The following PGD variants were observed in gnomAD, a reference collection of about 807,000 sequenced individuals.
PGD encodes phosphogluconate dehydrogenase, also known as 6-phosphogluconate dehydrogenase, decarboxylating.
PGD carries 21 observed loss-of-function variants against 60.4 expected under a neutral mutation model. The observed-to-expected ratio is 0.35, with a 90% confidence interval of 0.25 to 0.50. The LOEUF (loss-of-function observed/expected upper bound fraction) is 0.50, where lower values mean the gene tolerates loss of function less well. Ranked by LOEUF, PGD falls within the 20% of genes least tolerant of loss-of-function variation. The pLI, the probability that PGD is intolerant of heterozygous loss-of-function variation, is 0.98. For synonymous variants in PGD, 230 were observed against 235.9 expected (o/e 0.97, Z 0.23); for missense variants, 477 against 613.1 (o/e 0.78, Z 2.34).
rs1639677887 is a variant in PGD, at chr1:10,420,481, T to A, written c.*732T>A. On this transcript the variant is annotated 3_prime_UTR_variant, in exon 13 of 13. Transcript: ENST00000270776. ...ATGTCAAATACTTCATACTAAACTT[T>A]CTAGAGAATTAAACTTTAATGATGG... is the stretch of plus-strand genomic sequence containing the variant. Among the ~76,000 whole-genome samples the A allele has an allele frequency of 2.0e-5, 3 of 150,938 alleles. No homozygotes were observed. The highest frequency in any genetic ancestry group is 7.3e-5 in the African/African-American group (3 of 41,136).
intron 5 of PGD, among the ~76,000 whole-genome samples, chr1:10,407,194 T>C (rs1639423236): frequency 6.6e-6 from 1 of 152,184 alleles, no homozygotes; most frequent in South Asian, 2.1e-4. Flanking sequence ...ACGCCTATGG[T>C]CCCAGCACTT....
chr1:10,419,309 G>A lies in PGD; in HGVS notation c.1210-108G>A, dbSNP rs12064058. 381 of 1,470,752 alleles carry A rather than the reference G, an allele frequency of 2.6e-4. 1 individual carries two copies. The African/African-American group carries it at 4.4e-3, about 17-fold the overall frequency. The allele number at this position is 1,470,752 out of a possible 1,614,324, so 91.1% of individuals were successfully genotyped here. ...TGGGATGACAGGCGTGAGCCACCGCGCCTGGCCTAACCATCAGTTTTTCAT... is the reference window on the plus strand; with the variant it reads ...TGGGATGACAGGCGTGAGCCACCGCACCTGGCCTAACCATCAGTTTTTCAT... On this transcript the variant is annotated intron_variant, in intron 11 of 12. Transcript: ENST00000270776.
At chr1:10,418,596 G>C (rs1639636251) in intron 10 of PGD, among the ~76,000 whole-genome samples, 1 of 152,028 alleles carries the variant, frequency 6.6e-6, no homozygotes, top group Non-Finnish European at 1.5e-5. Context: ...CTAACACGGT[G>C]AAACCCTGTC....
chr1:10,401,082 G>A (rs1639307945), intron 3 of PGD, among the ~76,000 whole-genome samples: 1 of 152,262 alleles, frequency 6.6e-6, no homozygotes, highest in East Asian at 1.9e-4. Context: ...GCTCATGCCT[G>A]TAATCCCAGT....
chr1:10,417,318 A>G (rs545716904), intron 9 of PGD, 58 bp from the exon 10 acceptor site: 42 of 1,540,428 alleles, frequency 2.7e-5, no homozygotes, highest in Non-Finnish European at 3.7e-5. Flanking sequence ...AGACTGGTAG[A>G]CATAAGGCGG....
At chr1:10,402,149 ATCAT>A (rs779199615) in intron 3 of PGD, among the ~76,000 whole-genome samples, 2 of 152,204 alleles carry the variant, frequency 1.3e-5, no homozygotes, top group Non-Finnish European at 1.5e-5. Flanking sequence ...TTGTCATAAA[ATCAT>A]TCATTCATAC....
chr1:10,403,595 A>C (rs959990402), intron 4 of PGD, among the ~76,000 whole-genome samples: 2 of 150,868 alleles, frequency 1.3e-5, no homozygotes, highest in African/African-American at 2.4e-5. Flanking sequence ...CATCTGAAAA[A>C]AAAAAAAAAA....
At position 10,400,587 on chromosome 1, in the gene PGD, G is replaced by A; in HGVS notation, c.264+15G>A. ...TCGAGAAATTGGTGAGGCCAGCTGT[G>A]CTCTCAGCTGCTACCACGATAGCAG... On this transcript the variant is annotated intron_variant, in intron 3 of 12. Transcript: ENST00000270776. 1 of 1,591,678 alleles carries A rather than the reference G, an allele frequency of 6.3e-7. No homozygotes were observed. The highest frequency in any genetic ancestry group is 8.6e-7 in the Non-Finnish European group (1 of 1,167,754).
chr1:10,403,590 G>GAAAAAAAAAAA (rs71583866), intron 4 of PGD, among the ~76,000 whole-genome samples: 3 of 67,144 alleles, frequency 4.5e-5, no homozygotes, highest in African/African-American at 1.8e-4. Flanking sequence ...AACTCCATCT[G>GAAAAAAAAAAA]AAAAAAAAAA....
Position 10,416,995 on chromosome 1 carries a change from G to C in PGD, c.853G>C (p.Val285Leu). Residue 285 changes from valine (V) to leucine (L), a missense_variant, in exon 9 of 13, where the codon GTC becomes CTC. Physicochemically the swap from Val to Leu is conservative, Grantham distance 32. Around this residue, in one of 3 missense-constraint regions of PGD, gnomAD observed 431 missense variants for 556.6 expected, o/e 0.77. Coordinates refer to ENST00000270776, the MANE Select transcript of PGD (RefSeq NM_002631.4). The part of the protein sequence containing the change: ...GVPVTLIGEA[V>L]FARCLSSLKD... ...CCGATCTCCCCATGTAGGAGAAGCT[G>C]TCTTTGCTCGGTGCTTATCATCTCT... 6.2e-7 allele frequency: 1 copy of C among 1,613,540 alleles called. No individual in the cohort carries two copies. The highest frequency in any genetic ancestry group is 8.5e-7 in the Non-Finnish European group (1 of 1,179,568).
chr1:10,418,955 A>T lies in PGD; in HGVS notation c.1209+30A>T, dbSNP rs749698442. Reference sequence around the variant, plus strand: ...GTAGCCTAGGGCTGGTGCCATGGTTACTCTACCTCCCTGGGGCCATCAGTT... The same window carrying T: ...GTAGCCTAGGGCTGGTGCCATGGTTTCTCTACCTCCCTGGGGCCATCAGTT... On this transcript the variant is annotated intron_variant, in intron 11 of 12. Transcript: ENST00000270776. 5 of 1,207,304 alleles carry T rather than the reference A, an allele frequency of 4.1e-6. No individual in the cohort carries two copies. In the Admixed American group the frequency reaches 8.9e-5, roughly 21 times the overall value. 74.8% of individuals were successfully genotyped at this position (1,207,304 alleles called of 1,614,324 possible).
intron 2 of PGD, 71 bp downstream of exon 2, chr1:10,399,775 G>T: frequency 1.6e-6 from 2 of 1,255,556 alleles, no homozygotes; most frequent in Non-Finnish European, 2.3e-6. Context: ...GATAGGTTTG[G>T]GAGCTTACGG....
Position 10,399,743 on chromosome 1 carries a change from G to T in PGD, c.84+39G>T, listed in dbSNP as rs546773667. ...GCGCGTTGTCTTCTCTCTGGTTCCC[G>T]GGCGCTTTAGCCGAGGCCGGCGATA... On this transcript the variant is annotated intron_variant, in intron 2 of 12. Transcript: ENST00000270776. 8 of 1,588,122 alleles carry T rather than the reference G, an allele frequency of 5.0e-6. No homozygotes were observed. In the South Asian group the frequency reaches 7.7e-5, roughly 15 times the overall value.
chr1:10,403,946 A>G (rs1569972016), intron 4 of PGD, among the ~76,000 whole-genome samples: 4 of 151,826 alleles, frequency 2.6e-5, no homozygotes, highest in Non-Finnish European at 4.4e-5. Flanking sequence ...CCATAGTTGT[A>G]TTGTTTTGTT....
chr1:10,400,272 G>A, intron 2 of PGD, 121 bp from the exon 3 acceptor site: 1 of 693,316 alleles, frequency 1.4e-6, no homozygotes. Context: ...GGGAAGAAAA[G>A]GCAAAGGCAG....
At chr1:10,402,358 C>T (rs1382030202) in intron 3 of PGD, among the ~76,000 whole-genome samples, 1 of 151,878 alleles carries the variant, frequency 6.6e-6, no homozygotes, top group Non-Finnish European at 1.5e-5. Flanking sequence ...GTGTGAGCCA[C>T]TGAGCCTGGT....
intron 3 of PGD, among the ~76,000 whole-genome samples, chr1:10,402,821 C>T (rs529733071): frequency 2.8e-4 from 42 of 152,088 alleles, no homozygotes; most frequent in South Asian, 2.1e-4. Flanking sequence ...CCGCGCCTGG[C>T]CTACAAAAAA....
chr1:10,401,720 T>C (rs1639318822), intron 3 of PGD, among the ~76,000 whole-genome samples: 2 of 152,078 alleles, frequency 1.3e-5, no homozygotes, highest in African/African-American at 4.8e-5. Context: ...GATTGAATAA[T>C]ATAATGAAGC....
intron 7 of PGD, among the ~76,000 whole-genome samples, 158 bp downstream of exon 7, chr1:10,411,710 C>G (rs551664450): frequency 1.2e-4 from 19 of 152,192 alleles, no homozygotes; most frequent in Non-Finnish European, 2.5e-4. Context: ...GGCCTATACA[C>G]TATGCTAGTC....
Sources: gnomAD v4.1 joint callset for allele counts (sites outside exome capture counted in the v4.1 genomes callset) on GRCh38, gnomAD v4.1.1 for gene constraint, gnomAD v4.1.1 regional missense constraint, MANE v1.5 for transcripts, NCBI Gene and HGNC (gene_info 2026-07-23, HGNC 2026-07-21) for gene names.